SS18: variants seen among roughly 807,000 people sequenced by gnomAD.
SS18 encodes SS18 subunit of BAF chromatin remodeling complex, also known as protein SSXT.
Under a neutral mutation model 72.5 loss-of-function variants are expected in SS18, and 28 were observed. That is an observed-to-expected ratio of 0.39 (90% CI 0.29 to 0.53). The LOEUF (loss-of-function observed/expected upper bound fraction) is 0.53. Among genes scored for constraint, SS18 ranks in the 20% least tolerant of loss-of-function variants. The probability of loss-of-function intolerance (pLI) is 0.76; values close to 1 mark genes in which losing one functional copy is unlikely to be tolerated. For missense variants in SS18, 518 were observed against 535.3 expected (o/e 0.97, Z 0.32); for synonymous variants, 172 against 164.2 (o/e 1.05, Z -0.37).
chr18:26,047,648 T>C (rs948231646), intron 5 of SS18, among the ~76,000 whole-genome samples: 1 of 152,116 alleles, frequency 6.6e-6, no homozygotes, highest in Non-Finnish European at 1.5e-5. Context: ...GAGACCATCC[T>C]GGCTAACACG....
chr18:26,038,771 T>C (rs1267111453), intron 6 of SS18, 112 bp from the exon 7 acceptor site: 2 of 1,024,092 alleles, frequency 2.0e-6, no homozygotes, highest in Admixed American at 2.2e-5. Flanking sequence ...GATTCCCATC[T>C]CATAATTTGG....
intron 10 of SS18, among the ~76,000 whole-genome samples, chr18:26,032,171 T>C (rs1190233406): frequency 6.6e-6 from 1 of 152,142 alleles, no homozygotes. Context: ...ATATATGTTG[T>C]TGTCTTATGA....
chr18:26,061,087 G>A (rs1048425731), intron 3 of SS18, among the ~76,000 whole-genome samples: 1 of 152,224 alleles, frequency 6.6e-6, no homozygotes, highest in African/African-American at 2.4e-5. Flanking sequence ...GCTGAGGCAG[G>A]TGGATCACGA....
At chr18:26,042,088 T>A (rs2053738507) in intron 5 of SS18, among the ~76,000 whole-genome samples, 1 of 152,162 alleles carries the variant, frequency 6.6e-6, no homozygotes, top group Non-Finnish European at 1.5e-5. Context: ...ATTCTGATTG[T>A]TTAGGAAGTA....
rs377617269 is a variant in SS18 at position 26,034,990 on chromosome 18, T to G, written c.1096+15A>C. On this transcript the variant is annotated intron_variant, in intron 9 of 10. Coordinates refer to ENST00000415083, the MANE Select transcript of SS18 (RefSeq NM_001007559.3). ...CATTTTTTTGGTGATAAAAATACAC[T>G]GTACAAAGCTTTACCGTAGCCCTGC... is the stretch of plus-strand genomic sequence containing the variant. The G allele has an allele frequency of 1.1e-5, 18 of 1,600,792 alleles. No individual in the cohort carries two copies. The highest frequency in any genetic ancestry group is 1.4e-5 in the Non-Finnish European group (16 of 1,175,138).
At chr18:26,086,267 T>C (rs1419613882) in intron 2 of SS18, among the ~76,000 whole-genome samples, 2 of 152,152 alleles carry the variant, frequency 1.3e-5, no homozygotes, top group African/African-American at 4.8e-5. Context: ...AGTCCTGGAA[T>C]CGATTCACCA....
chr18:26,029,926 CT>C (rs1360429181), intron 10 of SS18, among the ~76,000 whole-genome samples: 1 of 152,182 alleles, frequency 6.6e-6, no homozygotes, highest in Non-Finnish European at 1.5e-5. Flanking sequence ...TGGTCCCCCC[CT>C]CATATTCTTT....
rs201169007 is a variant in SS18, at chr18:26,038,623, T to G, written c.812A>C (p.Tyr271Ser). 2.5e-6 allele frequency: 4 copies of G among 1,613,546 alleles called. No homozygotes were observed. Among genetic ancestry groups the G allele is most frequent in the Admixed American group, 1.7e-5 (1 of 60,006 alleles). Reference protein sequence around the residue: ...PQQYSGQEDYYGDQYSHGGQG... With the variant: ...PQQYSGQEDYSGDQYSHGGQG... ...TCCACCATGACTGTATTGGTCCCCG[T>G]AATAGTCTTCCTGGCCTGAGTACTG... Residue 271 changes from tyrosine to serine, a missense_variant, in exon 7 of 11, where the codon TAC (tyrosine) becomes TCC (serine). By Grantham distance (144) the Tyr-to-Ser change is moderately radical. Transcript: ENST00000415083.
At chr18:26,032,630 T>A in intron 9 of SS18, 98 bp from the exon 10 acceptor site, 2 of 1,362,488 alleles carry the variant, frequency 1.5e-6, no homozygotes, top group Non-Finnish European at 2.0e-6. Context: ...TATTTTTCTA[T>A]CTAAGCTAAA....
chr18:26,047,618 G>T (rs2053850402), intron 5 of SS18, among the ~76,000 whole-genome samples: 1 of 152,164 alleles, frequency 6.6e-6, no homozygotes. Flanking sequence ...AAGGCGGGCA[G>T]ATCACAAGGT....
intron 3 of SS18, among the ~76,000 whole-genome samples, chr18:26,072,947 C>A (rs535636458): frequency 4.0e-5 from 6 of 151,720 alleles, no homozygotes; most frequent in Non-Finnish European, 8.8e-5. Flanking sequence ...AAACAACAAT[C>A]ATTAAGGCTA....
chr18:26,080,404 G>A (rs2054496621), intron 2 of SS18: 1 of 985,096 alleles, frequency 1.0e-6, no homozygotes, highest in Admixed American at 6.1e-5. Context: ...CATACTAACA[G>A]ATGTGGTTTA....
chr18:26,026,636 G>A (rs532138902), intron 10 of SS18, among the ~76,000 whole-genome samples: 51 of 152,114 alleles, frequency 3.4e-4, no homozygotes, highest in African/African-American at 1.2e-3. Context: ...TCTAGTTGAG[G>A]CAAGCAGGAG....
chr18:26,041,783 T>G (rs1376227618), intron 5 of SS18, among the ~76,000 whole-genome samples: 1 of 151,928 alleles, frequency 6.6e-6, no homozygotes, highest in Non-Finnish European at 1.5e-5. Context: ...AACAAAACAC[T>G]AAACCTTGCT....
chr18:26,019,789 CAAAAAAAAAAAAAA>C (rs869179852), intron 10 of SS18, among the ~76,000 whole-genome samples: 8 of 62,566 alleles, frequency 1.3e-4, no homozygotes, highest in African/African-American at 4.6e-4. Flanking sequence ...AACTCTGTCT[CAAAAAAAAAAAAAA>C]AAAAAAAAAA....
At chr18:26,066,197 G>A (rs943992183) in intron 3 of SS18, among the ~76,000 whole-genome samples, 6 of 151,706 alleles carry the variant, frequency 4.0e-5, no homozygotes, top group South Asian at 4.1e-4. Flanking sequence ...TAAGGACTGC[G>A]CCCATGATTA....
chr18:26,077,678 CAGAA>C (rs1371806642), intron 3 of SS18, among the ~76,000 whole-genome samples: 1 of 152,098 alleles, frequency 6.6e-6, no homozygotes, highest in Non-Finnish European at 1.5e-5. Flanking sequence ...TATTGTAAGA[CAGAA>C]AGAAATTATG....
At chr18:26,069,599 T>C (rs1598596427) in intron 3 of SS18, among the ~76,000 whole-genome samples, 1 of 152,076 alleles carries the variant, frequency 6.6e-6, no homozygotes, top group Non-Finnish European at 1.5e-5. Flanking sequence ...TTTTAAAGTT[T>C]TCCACATAAT....
intron 5 of SS18, among the ~76,000 whole-genome samples, chr18:26,041,135 T>G (rs1056617919): frequency 1.3e-5 from 2 of 152,168 alleles, no homozygotes; most frequent in Non-Finnish European, 2.9e-5. Flanking sequence ...CTATAACAAA[T>G]TCGTAAGCCA....
Sources: gnomAD v4.1 joint callset for allele counts (sites outside exome capture counted in the v4.1 genomes callset) on GRCh38, gnomAD v4.1.1 for gene constraint, MANE v1.5 for transcripts, NCBI Gene and HGNC (gene_info 2026-07-23, HGNC 2026-07-21) for gene names.